Variants in WARS1 observed in about 807,000 individuals in gnomAD.
The protein encoded by WARS1 is tryptophan--tRNA ligase, cytoplasmic.
In WARS1, 17 loss-of-function variants were observed where a neutral mutation model predicts 47.8. That is an observed-to-expected ratio of 0.36 (90% CI 0.24 to 0.53). WARS1 has a LOEUF of 0.53. Ranked by LOEUF, WARS1 falls within the 20% of genes least tolerant of loss-of-function variation. The pLI is 0.91. For missense variants in WARS1, 434 were observed against 608.0 expected (o/e 0.71, Z 3.01); for synonymous variants, 208 against 228.1 (o/e 0.91, Z 0.79).
chr14:100,371,976 G>A (rs1896378612), intron 1 of WARS1, among the ~76,000 whole-genome samples: 1 of 152,102 alleles, frequency 6.6e-6, no homozygotes, highest in African/African-American at 2.4e-5. Flanking sequence ...AAAATGGCCT[G>A]TTCCTGCCTT....
intron 4 of WARS1, among the ~76,000 whole-genome samples, chr14:100,358,615 G>T (rs551111582): frequency 6.6e-6 from 1 of 152,154 alleles, no homozygotes; most frequent in African/African-American, 2.4e-5. Context: ...CACAACCTTC[G>T]ATTAGTCAGT....
chr14:100,346,795 G>T lies in WARS1; in HGVS notation c.777C>A (p.Thr259=), dbSNP rs1028985112. ...KNVVKIQKHV[T]FNQVKGIFGF... is the part of the protein sequence containing the mutation. ...CGAAAATGCCTTTCACTTGGTTGAA[G>T]GTAACATGCTTTTGAATCTTCACCA... The change falls in exon 7 of 11, where the codon ACC becomes ACA. Residue 259 remains threonine (T), a synonymous_variant. Transcript: ENST00000392882. 8 of 1,614,028 alleles carry T rather than the reference G, an allele frequency of 5.0e-6. No individual in the cohort carries two copies. In the East Asian group the frequency reaches 8.9e-5, roughly 18 times the overall value.
chr14:100,369,305 CACA>C (rs1470712830), intron 1 of WARS1, 47 bp from the exon 2 acceptor site: 2 of 618,508 alleles, frequency 3.2e-6, no homozygotes, highest in Non-Finnish European at 4.8e-6. Flanking sequence ...CAGAGGTTAA[CACA>C]ACATCGCGGC....
At chr14:100,340,872 T>C (rs1416936729) in intron 9 of WARS1, among the ~76,000 whole-genome samples, 3 of 152,034 alleles carry the variant, frequency 2.0e-5, no homozygotes, top group African/African-American at 4.8e-5. Flanking sequence ...CCTAAGTGAA[T>C]GATAAATGTC....
At position 100,353,970 on chromosome 14, in the gene WARS1, A is replaced by T; in HGVS notation, c.543-101T>A. 3 of 1,084,130 alleles carry T rather than the reference A, an allele frequency of 2.8e-6. No homozygotes were observed. In the South Asian group the frequency reaches 4.7e-5, roughly 17 times the overall value. 67.2% of individuals were successfully genotyped at this position (1,084,130 alleles called of 1,614,324 possible). The stretch of plus-strand genomic sequence containing the variant: ...AGCTCCTACTTACAACGTATGTTAA[A>T]ACTTCCTTGCCTACAAAATCACAAT... On this transcript the variant is annotated intron_variant, in intron 5 of 10. Coordinates refer to ENST00000392882, the MANE Select transcript of WARS1 (RefSeq NM_004184.4).
chr14:100,365,164 A>ACAC, intron 2 of WARS1, among the ~76,000 whole-genome samples: 1 of 98,648 alleles, frequency 1.0e-5, no homozygotes, highest in African/African-American at 3.7e-5. Flanking sequence ...CACACACACA[A>ACAC]ATAATGATTT....
In WARS1 at chr14:100,353,770, A is replaced by G; in HGVS notation, c.642T>C (p.Tyr214=). 2 of 1,614,170 alleles carry G rather than the reference A, an allele frequency of 1.2e-6. No individual in the cohort carries two copies. The highest frequency in any genetic ancestry group is 8.5e-7 in the Non-Finnish European group (1 of 1,180,024). Residue 214 remains tyrosine (Y), a synonymous_variant, in exon 6 of 11, where the codon TAT becomes TAC. Coordinates refer to ENST00000392882, the MANE Select transcript of WARS1 (RefSeq NM_004184.4). ...KDLTLDQAYS[Y]AVENAKDIIA... ...TGATGTCCTTGGCATTCTCCACAGC[A>G]TAGCTATAGGCCTGGTCCAGGGTCA... is the stretch of plus-strand genomic sequence containing the variant.
chr14:100,359,302 A>T (rs1895517526), intron 4 of WARS1, among the ~76,000 whole-genome samples: 1 of 152,248 alleles, frequency 6.6e-6, no homozygotes, highest in Non-Finnish European at 1.5e-5. Context: ...ACAAAATGTG[A>T]GGTATATCCA....
intron 9 of WARS1, among the ~76,000 whole-genome samples, chr14:100,341,136 G>A (rs1488497994): frequency 7.2e-5 from 11 of 152,068 alleles, no homozygotes; most frequent in Admixed American, 2.0e-4. Context: ...CGCTGGTCTC[G>A]AACTCCTGAC....
rs1894451859 is a variant in WARS1 at position 100,344,886 on chromosome 14, CAGCCACCCCGT to C, written c.827-1510_827-1500del. Among the ~76,000 whole-genome samples, 6 of 151,416 alleles carry C rather than the reference CAGCCACCCCGT, an allele frequency of 4.0e-5. No individual in the cohort carries two copies. The East Asian group carries it at 6.0e-4, about 15-fold the overall frequency. On this transcript the variant is annotated intron_variant, in intron 7 of 10. Transcript: ENST00000392882. ...AGAAGTGAGGAGCCCCTCCACCCGG[CAGCCACCCCGT>C]CTGGGAAGTGAGGAGCGTCTCCGCC...
chr14:100,358,333 C>G (rs977487245), intron 4 of WARS1, among the ~76,000 whole-genome samples: 8 of 151,914 alleles, frequency 5.3e-5, no homozygotes, highest in Non-Finnish European at 8.8e-5. Flanking sequence ...GGGGTTTCAC[C>G]GTGTTAGCCA....
chr14:100,368,368 A>G (rs1419116822), intron 2 of WARS1: 3 of 455,294 alleles, frequency 6.6e-6, no homozygotes, highest in Non-Finnish European at 1.3e-5. Context: ...GTGTACAGAT[A>G]CTGACCTAAC....
chr14:100,364,632 G>A (rs1895845936), intron 2 of WARS1, among the ~76,000 whole-genome samples: 2 of 152,162 alleles, frequency 1.3e-5, no homozygotes, highest in South Asian at 2.1e-4. Context: ...TGTCTTCAAC[G>A]TGTGCCAGCC....
At position 100,337,040 on chromosome 14, in the gene WARS1, G is replaced by A. The variant is rs576357631; in HGVS notation, c.1254+22C>T. 7.1e-5 allele frequency: 114 copies of A among 1,605,048 alleles called. No individual in the cohort carries two copies. The South Asian group carries it at 1.2e-3, about 17-fold the overall frequency. ...AGTGGGTGGCAGAAGGCGGCTGTGG[G>A]CCCTTGGGGTTCCCTGCTCACCTTC... On this transcript the variant is annotated intron_variant, in intron 10 of 10. Transcript: ENST00000392882.
chr14:100,347,628 G>A (rs1253678269), intron 6 of WARS1, among the ~76,000 whole-genome samples: 1 of 152,168 alleles, frequency 6.6e-6, no homozygotes, highest in African/African-American at 2.4e-5. Flanking sequence ...CCAGGCTGGA[G>A]TGCAGTGGCA....
At chr14:100,342,776 T>TTACATAGGTA (rs1471311151) in intron 8 of WARS1, among the ~76,000 whole-genome samples, 12 of 152,092 alleles carry the variant, frequency 7.9e-5, no homozygotes, top group Non-Finnish European at 1.6e-4. Flanking sequence ...CGCAGGTTTG[T>TTACATAGGTA]TACATAGGTA....
intron 6 of WARS1, among the ~76,000 whole-genome samples, chr14:100,350,897 C>T (rs973671555): frequency 6.6e-6 from 1 of 152,104 alleles, no homozygotes; most frequent in Non-Finnish European, 1.5e-5. Flanking sequence ...TTGATCATGC[C>T]TTTGGAAGAA....
At chr14:100,372,742 C>T (rs1238437272) in intron 1 of WARS1, among the ~76,000 whole-genome samples, 1 of 152,214 alleles carries the variant, frequency 6.6e-6, no homozygotes, top group Admixed American at 6.5e-5. Context: ...CTGGGTGTTA[C>T]TCTATGTGCC....
chr14:100,366,044 G>C, intron 2 of WARS1: 1 of 455,982 alleles, frequency 2.2e-6, no homozygotes, highest in South Asian at 1.5e-5. Context: ...TCTCCCCTCG[G>C]CCAAGGGAGT....
Sources: allele counts gnomAD v4.1 joint callset (sites outside exome capture counted in the v4.1 genomes callset), GRCh38; gene constraint gnomAD v4.1.1; transcripts MANE v1.5; gene names NCBI Gene and HGNC (gene_info 2026-07-23, HGNC 2026-07-21).